Variants in ARHGAP15 observed in about 807,000 individuals in gnomAD.
ARHGAP15 encodes rho GTPase-activating protein 15.
ARHGAP15 carries 51 observed loss-of-function variants against 63.7 expected under a neutral mutation model. The ratio of observed to expected loss-of-function variants is 0.80; its 90% confidence interval spans 0.64 to 1.01. The LOEUF (loss-of-function observed/expected upper bound fraction) is 1.01, where lower values mean the gene tolerates loss of function less well. Ranked by LOEUF, ARHGAP15 falls within the 50% of genes least tolerant of loss-of-function variation. The pLI, the probability that ARHGAP15 is intolerant of heterozygous loss-of-function variation, is 0.00. For missense variants in ARHGAP15, 560 were observed against 564.6 expected, an observed-to-expected ratio of 0.99 and a Z score of 0.08; for synonymous variants, 191 against 193.8, an observed-to-expected ratio of 0.99 and a Z score of 0.12.
At chr2:143,232,979 A>G (rs188551562) in intron 5 of ARHGAP15, among the ~76,000 whole-genome samples, 16 of 152,222 alleles carry the variant, frequency 1.1e-4, no homozygotes, top group African/African-American at 3.9e-4. Context: ...GGGTTACAGC[A>G]TTAGTACTTA....
At chr2:143,346,429 T>G (rs1345531084) in intron 6 of ARHGAP15, among the ~76,000 whole-genome samples, 1 of 152,086 alleles carries the variant, frequency 6.6e-6, no homozygotes, top group African/African-American at 2.4e-5. Context: ...GGATTCTTTA[T>G]TGTCTGTGAG....
chr2:143,365,684 T>G (rs756614110), intron 6 of ARHGAP15, among the ~76,000 whole-genome samples: 1 of 152,186 alleles, frequency 6.6e-6, no homozygotes, highest in Non-Finnish European at 1.5e-5. Context: ...GCCTTCTCAC[T>G]TAGGTCATAC....
chr2:143,733,767 C>T (rs974278478), intron 13 of ARHGAP15, among the ~76,000 whole-genome samples: 1 of 152,068 alleles, frequency 6.6e-6, no homozygotes, highest in Non-Finnish European at 1.5e-5. Flanking sequence ...AGGACATTGA[C>T]CCCTACCTAA....
At chr2:143,279,165 T>C (rs2105076485) in intron 6 of ARHGAP15, among the ~76,000 whole-genome samples, 1 of 152,236 alleles carries the variant, frequency 6.6e-6, no homozygotes, top group African/African-American at 2.4e-5. Flanking sequence ...TGTTATTATT[T>C]CTAGGGAAGA....
At chr2:143,254,435 A>G (rs1680316941) in intron 6 of ARHGAP15, among the ~76,000 whole-genome samples, 1 of 151,894 alleles carries the variant, frequency 6.6e-6, no homozygotes, top group Admixed American at 6.6e-5. Flanking sequence ...AAAAACTCTT[A>G]TATCTTGTTT....
intron 6 of ARHGAP15, among the ~76,000 whole-genome samples, chr2:143,272,718 T>G (rs2105056179): frequency 6.6e-6 from 1 of 152,182 alleles, no homozygotes; most frequent in East Asian, 1.9e-4. Flanking sequence ...CTAAAGTATT[T>G]AGAGAGTATT....
intron 6 of ARHGAP15, among the ~76,000 whole-genome samples, chr2:143,425,803 A>C (rs376575350): frequency 1.1e-4 from 16 of 152,244 alleles, no homozygotes; most frequent in African/African-American, 3.9e-4. Flanking sequence ...TGGAGAGCAA[A>C]ATCTAGATTG....
intron 13 of ARHGAP15, among the ~76,000 whole-genome samples, chr2:143,707,735 G>T (rs1007544262): frequency 6.6e-6 from 1 of 152,136 alleles, no homozygotes; most frequent in South Asian, 2.1e-4. Flanking sequence ...ATAGGGGAGG[G>T]TTATGTAGAA....
intron 6 of ARHGAP15, among the ~76,000 whole-genome samples, chr2:143,311,227 G>C (rs1297136303): frequency 6.6e-6 from 1 of 151,380 alleles, no homozygotes; most frequent in African/African-American, 2.4e-5. Flanking sequence ...ATAAGCACAC[G>C]GTGTATCAAT....
intron 12 of ARHGAP15, among the ~76,000 whole-genome samples, chr2:143,651,050 A>G (rs1681137883): frequency 6.6e-6 from 1 of 152,012 alleles, no homozygotes; most frequent in Admixed American, 6.6e-5. Context: ...ATATCTTGTG[A>G]TCAGCAGAAA....
chr2:143,200,454 C>T (rs1029646393), intron 2 of ARHGAP15, among the ~76,000 whole-genome samples: 6 of 151,060 alleles, frequency 4.0e-5, no homozygotes, highest in Non-Finnish European at 7.4e-5. Flanking sequence ...GTTGTATGTG[C>T]CAGTAACCAG....
At chr2:143,352,246 T>C (rs1032732960) in intron 6 of ARHGAP15, among the ~76,000 whole-genome samples, 7 of 152,316 alleles carry the variant, frequency 4.6e-5, no homozygotes, top group African/African-American at 1.7e-4. Context: ...AAAACATTTG[T>C]TTAAAGAGCT....
intron 6 of ARHGAP15, among the ~76,000 whole-genome samples, chr2:143,417,017 G>A (rs1055588197): frequency 6.6e-6 from 1 of 152,180 alleles, no homozygotes; most frequent in Non-Finnish European, 1.5e-5. Context: ...CGAAGTCTCT[G>A]TGGTTGAGGT....
intron 6 of ARHGAP15, among the ~76,000 whole-genome samples, chr2:143,399,495 C>T (rs191294413): frequency 1.7e-4 from 26 of 151,914 alleles, no homozygotes; most frequent in African/African-American, 5.8e-4. Context: ...ATAATAATAA[C>T]GATAATGATA....
At chr2:143,309,867 TGTGTG>T (rs1477315900) in intron 6 of ARHGAP15, among the ~76,000 whole-genome samples, 6 of 22,642 alleles carry the variant, frequency 2.6e-4, no homozygotes, top group East Asian at 2.0e-3. Flanking sequence ...TATATGAACT[TGTGTG>T]TGTGTGTGTG....
At chr2:143,549,712 A>G (rs1559044968) in intron 10 of ARHGAP15, among the ~76,000 whole-genome samples, 1 of 152,232 alleles carries the variant, frequency 6.6e-6, no homozygotes, top group Non-Finnish European at 1.5e-5. Flanking sequence ...ACAGTGGAGA[A>G]GAAAGTGTCT....
chr2:143,439,010 A>T (rs1187657402), intron 8 of ARHGAP15, among the ~76,000 whole-genome samples: 1 of 152,196 alleles, frequency 6.6e-6, no homozygotes, highest in African/African-American at 2.4e-5. Flanking sequence ...CTTTAAAAGT[A>T]TTAAGATGCT....
At chr2:143,550,100 G>T (rs556270903) in intron 10 of ARHGAP15, among the ~76,000 whole-genome samples, 57 of 152,188 alleles carry the variant, frequency 3.7e-4, no homozygotes, top group African/African-American at 1.3e-3. Flanking sequence ...GCCCAGATGG[G>T]GAGCACATAT....
chr2:143,446,769 C>T (rs12691680), intron 8 of ARHGAP15, among the ~76,000 whole-genome samples: 39,572 of 120,110 alleles, frequency 0.33, 6,637 homozygotes, highest in Non-Finnish European at 0.39. Context: ...CCAATGCTAT[C>T]CCTCCCCCCT....
Sources: allele counts gnomAD v4.1 joint callset (sites outside exome capture counted in the v4.1 genomes callset), GRCh38; gene constraint gnomAD v4.1.1; transcripts MANE v1.5; gene names NCBI Gene and HGNC (gene_info 2026-07-23, HGNC 2026-07-21).